The following PTPRD variants were observed in gnomAD, a reference collection of about 807,000 sequenced individuals.
The protein encoded by PTPRD is receptor-type tyrosine-protein phosphatase delta.
PTPRD carries 34 observed loss-of-function variants against 214.5 expected under a neutral mutation model. That is an observed-to-expected ratio of 0.16 (90% confidence interval 0.12 to 0.21). PTPRD has a LOEUF of 0.21. Among genes scored for constraint, PTPRD ranks in the 10% least tolerant of loss-of-function variants. The pLI is 1.00. For missense variants in PTPRD, 2,545 were observed against 2,398.7 expected (o/e 1.06, Z -1.27); for synonymous variants, 1,128 against 845.7 (o/e 1.33, Z -5.79).
intron 12 of PTPRD, among the ~76,000 whole-genome samples, chr9:8,662,051 G>C (rs2097067660): frequency 6.6e-6 from 1 of 151,976 alleles, no homozygotes; most frequent in African/African-American, 2.4e-5. Context: ...TGAGTGGCTG[G>C]GACTCCATAT....
chr9:8,748,310 C>A (rs2093079648), intron 11 of PTPRD, among the ~76,000 whole-genome samples: 1 of 151,898 alleles, frequency 6.6e-6, no homozygotes, highest in Admixed American at 6.6e-5. Context: ...TCACACCCAA[C>A]CAATCAGAGA....
intron 5 of PTPRD, among the ~76,000 whole-genome samples, chr9:9,789,470 G>T (rs1318551614): frequency 6.6e-6 from 1 of 152,076 alleles, no homozygotes; most frequent in Non-Finnish European, 1.5e-5. Context: ...CTCTACTGAG[G>T]GGGAGATAAT....
At chr9:9,813,107 G>C (rs1023024086) in intron 5 of PTPRD, among the ~76,000 whole-genome samples, 1 of 151,886 alleles carries the variant, frequency 6.6e-6, no homozygotes, top group African/African-American at 2.4e-5. Flanking sequence ...AAATGAAAAA[G>C]AAAAAGACAA....
At chr9:10,302,144 G>C (rs1252286311) in intron 3 of PTPRD, among the ~76,000 whole-genome samples, 1 of 152,124 alleles carries the variant, frequency 6.6e-6, no homozygotes, top group African/African-American at 2.4e-5. Context: ...TTTCAACCCA[G>C]AATTTCTTAT....
intron 3 of PTPRD, among the ~76,000 whole-genome samples, chr9:10,208,488 T>A (rs1182093589): frequency 6.6e-6 from 1 of 152,242 alleles, no homozygotes; most frequent in Non-Finnish European, 1.5e-5. Context: ...CACTCCAGCC[T>A]GGGCGACAGA....
intron 12 of PTPRD, among the ~76,000 whole-genome samples, chr9:8,710,931 T>C (rs950770237): frequency 6.6e-6 from 1 of 152,184 alleles, no homozygotes; most frequent in African/African-American, 2.4e-5. Context: ...ACTTTGATTA[T>C]CAAAATATAT....
chr9:9,659,947 G>T (rs1393268775), intron 7 of PTPRD, among the ~76,000 whole-genome samples: 1 of 152,010 alleles, frequency 6.6e-6, no homozygotes, highest in Non-Finnish European at 1.5e-5. Context: ...CAGTGCTCAT[G>T]ATTACATATA....
intron 11 of PTPRD, among the ~76,000 whole-genome samples, chr9:8,897,685 G>A (rs1196554740): frequency 1.3e-5 from 2 of 152,158 alleles, no homozygotes; most frequent in African/African-American, 4.8e-5. Context: ...GAAAGACCTG[G>A]CCAGAAGTAA....
At chr9:10,032,439 C>T (rs947398989) in intron 4 of PTPRD, among the ~76,000 whole-genome samples, 2 of 152,260 alleles carry the variant, frequency 1.3e-5, no homozygotes, top group African/African-American at 2.4e-5. Flanking sequence ...TATTGTTTGA[C>T]TCTTCAATTC....
At chr9:9,931,717 A>C (rs987577703) in intron 5 of PTPRD, among the ~76,000 whole-genome samples, 15 of 151,722 alleles carry the variant, frequency 9.9e-5, no homozygotes, top group Non-Finnish European at 1.9e-4. Flanking sequence ...AACTGGGTGG[A>C]GTCCACCACA....
chr9:10,450,217 AAACACCCAAG>A (rs1279919509), intron 2 of PTPRD, among the ~76,000 whole-genome samples: 1 of 151,834 alleles, frequency 6.6e-6, no homozygotes, highest in African/African-American at 2.4e-5. Flanking sequence ...CCTCTCCAAG[AAACACCCAAG>A]AATGATCAAT....
chr9:8,934,521 A>ATG (rs2098983191), intron 11 of PTPRD, among the ~76,000 whole-genome samples: 1 of 27,534 alleles, frequency 3.6e-5, no homozygotes, highest in Non-Finnish European at 6.2e-5. Flanking sequence ...ATATATATAA[A>ATG]TATATATATA....
chr9:9,230,112 G>C lies in PTPRD; in HGVS notation c.-202-46749C>G, dbSNP rs10977593. Among the ~76,000 whole-genome samples, 9 of 152,120 alleles carry C rather than the reference G, an allele frequency of 5.9e-5. No homozygotes were observed. The South Asian group carries it at 1.4e-3, about 25-fold the overall frequency. On this transcript the variant is annotated intron_variant, in intron 9 of 45. Coordinates refer to ENST00000381196, the MANE Select transcript of PTPRD (RefSeq NM_002839.4). ...TGTCCTCTGTTCCCGACTGATAGGA[G>C]TGTATTTTGTTATTCATAAGCAAAT...
intron 9 of PTPRD, among the ~76,000 whole-genome samples, chr9:9,197,488 G>T (rs1348143721): frequency 1.3e-5 from 2 of 152,126 alleles, no homozygotes. Flanking sequence ...TTTGCTCACT[G>T]CAATATCTGC....
chr9:9,844,700 A>G (rs924713112), intron 5 of PTPRD, among the ~76,000 whole-genome samples: 3 of 151,952 alleles, frequency 2.0e-5, no homozygotes, highest in Non-Finnish European at 4.4e-5. Context: ...GATCAGTATT[A>G]TATTGTATAA....
chr9:9,821,242 C>T lies in PTPRD; in HGVS notation c.-367-54391G>A, dbSNP rs549440372. On this transcript the variant is annotated intron_variant, in intron 5 of 45. Coordinates refer to ENST00000381196, the MANE Select transcript of PTPRD (RefSeq NM_002839.4). ...AGGTTATTAGTGTGTAAAAATGCTA[C>T]CAATTTTTGTAACATTGATTTTGTA... Among the ~76,000 whole-genome samples, 30 of 152,196 alleles carry T rather than the reference C, an allele frequency of 2.0e-4. 1 individual carries two copies. The South Asian group carries it at 2.9e-3, about 15-fold the overall frequency.
Position 8,528,660 on chromosome 9 carries a change from T to C in PTPRD, c.472A>G (p.Thr158Ala). ...AASGNPDPEITWFKDFLPVDT... is the reference protein window; with the variant it reads ...AASGNPDPEIAWFKDFLPVDT... ...ACAGGTAAGAAATCTTTAAACCAAG[T>C]GATTTCTGGATCCGGATTACCACTG... Residue 158 changes from threonine to alanine, a missense_variant, in exon 15 of 46, where the codon ACT becomes GCT. Coordinates refer to ENST00000381196, the MANE Select transcript of PTPRD (RefSeq NM_002839.4). The C allele has an allele frequency of 6.2e-7, 1 of 1,613,754 alleles. No individual in the cohort carries two copies.
chr9:8,983,557 C>T lies in PTPRD; in HGVS notation c.-104+35140G>A, dbSNP rs577716130. 6.6e-5 allele frequency among the ~76,000 whole-genome samples: 10 copies of T among 151,638 alleles called. No individual in the cohort carries two copies. In the East Asian group the frequency reaches 1.4e-3, roughly 21 times the overall value. ...TTGGAGAAAAAGTCTCACTCTCTGG[C>T]CCAGGCTGGAGTGTAATCACACATC... On this transcript the variant is annotated intron_variant, in intron 11 of 45. Coordinates refer to ENST00000381196, the MANE Select transcript of PTPRD (RefSeq NM_002839.4).
intron 2 of PTPRD, among the ~76,000 whole-genome samples, chr9:10,472,630 C>T (rs572088483): frequency 6.6e-6 from 1 of 152,220 alleles, no homozygotes; most frequent in East Asian, 1.9e-4. Flanking sequence ...TGTGTAATAA[C>T]AACCTTCTTT....
Sources: allele counts gnomAD v4.1 joint callset (sites outside exome capture counted in the v4.1 genomes callset), GRCh38; gene constraint gnomAD v4.1.1; transcripts MANE v1.5; gene names NCBI Gene and HGNC (gene_info 2026-07-23, HGNC 2026-07-21).